ADAMTS9: variants seen among roughly 807,000 people sequenced by gnomAD.
ADAMTS9 encodes the protein A disintegrin and metalloproteinase with thrombospondin motifs 9.
Under a neutral mutation model 257.1 loss-of-function variants are expected in ADAMTS9, and 107 were observed. The observed-to-expected ratio is 0.42, with a 90% confidence interval of 0.36 to 0.49. The LOEUF is 0.49. Among genes scored for constraint, ADAMTS9 ranks in the 20% least tolerant of loss-of-function variants. The pLI is 0.03. For missense variants in ADAMTS9, 2,353 were observed against 2,469.1 expected (o/e 0.95, Z 1.00); for synonymous variants, 982 against 880.9 (o/e 1.11, Z -2.03).
intron 3 of ADAMTS9, among the ~76,000 whole-genome samples, chr3:64,671,229 T>C (rs917524930): frequency 6.6e-6 from 1 of 152,182 alleles, no homozygotes; most frequent in Non-Finnish European, 1.5e-5. Flanking sequence ...CAGGCAACAA[T>C]GTGGATGAAC....
At chr3:64,545,138 G>C (rs144957213) in intron 32 of ADAMTS9, among the ~76,000 whole-genome samples, 6,206 of 152,292 alleles carry the variant, frequency 0.041, 698 homozygotes, top group Admixed American at 0.25. Flanking sequence ...GGAGAAATAA[G>C]AGCGCTTTTC....
chr3:64,628,865 A>G (rs1039006253), intron 16 of ADAMTS9, among the ~76,000 whole-genome samples: 2 of 152,204 alleles, frequency 1.3e-5, no homozygotes, highest in African/African-American at 4.8e-5. Flanking sequence ...TAGGCTTCAT[A>G]TCAGTAGCTG....
At chr3:64,629,151 C>T (rs770093909) in intron 16 of ADAMTS9, among the ~76,000 whole-genome samples, 3 of 152,172 alleles carry the variant, frequency 2.0e-5, no homozygotes, top group East Asian at 1.9e-4. Context: ...TTTCACTGCT[C>T]CCATTGGGGC....
chr3:64,618,797 G>A (rs986030614), intron 19 of ADAMTS9, among the ~76,000 whole-genome samples: 2 of 152,038 alleles, frequency 1.3e-5, no homozygotes, highest in African/African-American at 4.8e-5. Context: ...GTAAACCAAT[G>A]AGCGGAAATC....
chr3:64,650,965 A>G (rs1700917392), intron 9 of ADAMTS9, 52 bp downstream of exon 9: 1 of 1,528,366 alleles, frequency 6.5e-7, no homozygotes, highest in Admixed American at 2.2e-5. Context: ...TTAGTTCACT[A>G]CATGTAGGCC....
At chr3:64,577,538 G>C (rs2083886402) in intron 28 of ADAMTS9, among the ~76,000 whole-genome samples, 1 of 152,202 alleles carries the variant, frequency 6.6e-6, no homozygotes, top group Admixed American at 6.5e-5. Context: ...GTGAAGTTGT[G>C]TCTGAGTAAG....
chr3:64,647,885 A>C (rs1700835879), intron 11 of ADAMTS9, 55 bp downstream of exon 11: 2 of 1,522,254 alleles, frequency 1.3e-6, no homozygotes, highest in Non-Finnish European at 1.8e-6. Context: ...TCATACACCC[A>C]AAATCTTGCA....
chr3:64,603,239 T>C (rs527344287), intron 25 of ADAMTS9, among the ~76,000 whole-genome samples: 355 of 152,316 alleles, frequency 2.3e-3, no homozygotes, highest in Non-Finnish European at 3.8e-3. Context: ...GTCTGGGTTT[T>C]TACAGAGCTC....
At chr3:64,647,906 C>T in intron 11 of ADAMTS9, 34 bp downstream of exon 11, 3 of 1,592,360 alleles carry the variant, frequency 1.9e-6, no homozygotes, top group Non-Finnish European at 1.7e-6. Context: ...CATTTCTGCC[C>T]TAAGACAGAA....
chr3:64,621,197 C>T lies in ADAMTS9; in HGVS notation c.2730G>A (p.Gln910=), dbSNP rs757784491. ...RKLVCTRESD[Q]LTVSDQRCDR... Reference sequence around the variant, plus strand: ...CGCATCTTTGATCAGAAACAGTAAGCTGATCAGATTCCCTGGTGCAAACAA... The same window carrying T: ...CGCATCTTTGATCAGAAACAGTAAGTTGATCAGATTCCCTGGTGCAAACAA... Residue 910 remains glutamine (Q), a synonymous_variant, in exon 19 of 40, where the codon CAG becomes CAA. Coordinates refer to ENST00000498707, the MANE Select transcript of ADAMTS9 (RefSeq NM_182920.2). The T allele has an allele frequency of 1.9e-6, 3 of 1,613,872 alleles. No individual in the cohort carries two copies. The South Asian group carries it at 3.3e-5, about 18-fold the overall frequency.
At chr3:64,548,990 G>A (rs989972473) in intron 31 of ADAMTS9, among the ~76,000 whole-genome samples, 4 of 152,324 alleles carry the variant, frequency 2.6e-5, no homozygotes, top group African/African-American at 7.2e-5. Context: ...TCGGGCCTCC[G>A]CCAATTCAGG....
At chr3:64,625,190 A>C (rs1457904076) in intron 16 of ADAMTS9, among the ~76,000 whole-genome samples, 3 of 152,196 alleles carry the variant, frequency 2.0e-5, no homozygotes, top group Non-Finnish European at 4.4e-5. Context: ...CCGCCCAAGA[A>C]ACCATGCTGA....
intron 28 of ADAMTS9, among the ~76,000 whole-genome samples, chr3:64,570,343 T>C (rs1158637197): frequency 6.6e-6 from 1 of 152,032 alleles, no homozygotes; most frequent in African/African-American, 2.4e-5. Flanking sequence ...ACAAACAGGC[T>C]GGAATGGTTG....
At chr3:64,590,899 G>A (rs901344528) in intron 28 of ADAMTS9, among the ~76,000 whole-genome samples, 4 of 152,130 alleles carry the variant, frequency 2.6e-5, no homozygotes, top group African/African-American at 9.7e-5. Context: ...ACAGGGCAAT[G>A]CACAAAGGAA....
rs377190618 is a variant in ADAMTS9, at chr3:64,686,849, C to T, written c.235G>A (p.Ala79Thr). 4 of 1,613,938 alleles carry T rather than the reference C, an allele frequency of 2.5e-6. No homozygotes were observed. The highest frequency in any genetic ancestry group is 3.4e-6 in the Non-Finnish European group (4 of 1,180,012). Residue 79 changes from alanine (A) to threonine (T), a missense_variant, in exon 2 of 40, where the codon GCC becomes ACC. By Grantham distance (58) the Ala-to-Thr change is moderately conservative. Around this residue, in one of 3 missense-constraint regions of ADAMTS9, gnomAD observed 591 missense variants for 569.6 expected, o/e 1.04. Transcript: ENST00000498707. The surrounding 1 kb of genome is among the most constrained non-coding windows in gnomAD (Gnocchi z 4.6). ...GCGAAGGCAGGCCAGGGGTCAGTGG[C>T]AGAGTTAATGCTCCGTCGCGTTCTT... ...FKRTRRSINS[A>T]TDPWPAFASS...
rs144555514 is a variant in ADAMTS9 at position 64,666,432 on chromosome 3, A to G, written c.680-7641T>C. Among the ~76,000 whole-genome samples, 1,104 of 152,320 alleles carry G rather than the reference A, an allele frequency of 7.2e-3. 9 individuals carry two copies. The highest frequency in any genetic ancestry group is 0.031 in the Middle Eastern group (9 of 294). ...CTTCACAGAGCACAGGACCAAAGGGAGGATTCAGGAGCAAGGCGAGACCCC... is the reference window on the plus strand; with the variant it reads ...CTTCACAGAGCACAGGACCAAAGGGGGGATTCAGGAGCAAGGCGAGACCCC... On this transcript the variant is annotated intron_variant, in intron 3 of 39. Transcript: ENST00000498707.
At chr3:64,582,222 C>G (rs1243115671) in intron 28 of ADAMTS9, among the ~76,000 whole-genome samples, 1 of 152,164 alleles carries the variant, frequency 6.6e-6, no homozygotes, top group African/African-American at 2.4e-5. Flanking sequence ...GGAGGTAGAA[C>G]TGCAGAAACT....
chr3:64,577,772 T>C (rs1335469714), intron 28 of ADAMTS9, among the ~76,000 whole-genome samples: 2 of 152,186 alleles, frequency 1.3e-5, no homozygotes, highest in African/African-American at 4.8e-5. Flanking sequence ...CCTTCTGAAA[T>C]GCTTCTGTAG....
At chr3:64,587,209 C>T (rs2084173446) in intron 28 of ADAMTS9, 1 of 152,178 alleles carries the variant, frequency 6.6e-6, no homozygotes, top group African/African-American at 2.4e-5. Flanking sequence ...TCAAGGAACA[C>T]CCACTGAAGT....
Sources: gnomAD v4.1 joint callset for allele counts (sites outside exome capture counted in the v4.1 genomes callset) on GRCh38, gnomAD v4.1.1 for gene constraint, gnomAD v4.1.1 regional missense constraint, Gnocchi (gnomAD v3.1) non-coding constraint, MANE v1.5 for transcripts, NCBI Gene and HGNC (gene_info 2026-07-23, HGNC 2026-07-21) for gene names.